COX7B: variants seen among roughly 807,000 people sequenced by gnomAD.
COX7B encodes cytochrome c oxidase subunit 7B, mitochondrial.
COX7B carries 2 observed loss-of-function variants against 7.9 expected under a neutral mutation model. The observed-to-expected ratio is 0.25, with a 90% CI of 0.10 to 0.79. The LOEUF is 0.79. Ranked by LOEUF, COX7B falls within the 30% of genes least tolerant of loss-of-function variation. The pLI is 0.69. For missense variants in COX7B, 54 were observed against 62.7 expected (o/e 0.86, Z 0.47); for synonymous variants, 19 against 21.1 (o/e 0.90, Z 0.27).
intron 2 of COX7B, among the ~76,000 whole-genome samples, chrX:77,904,271 C>A (rs1183688724): frequency 9.1e-6 from 1 of 110,106 alleles, no homozygotes; most frequent in Non-Finnish European, 1.9e-5. Context: ...TAAAAAGATA[C>A]AAATTAATCC....
At chrX:77,902,804 T>C (rs782458966) in intron 2 of COX7B, 37 bp downstream of exon 2, 2 of 1,174,661 alleles carry the variant, frequency 1.7e-6, no homozygotes, top group East Asian at 5.9e-5. Context: ...GTTTCAGATG[T>C]TTTTCATTCT....
intron 2 of COX7B, among the ~76,000 whole-genome samples, chrX:77,903,920 T>G (rs1374835825): frequency 1.8e-5 from 2 of 108,974 alleles, no homozygotes; most frequent in African/African-American, 6.7e-5. Context: ...TGTTTTTTTT[T>G]TTTGTTTTGT....
intron 1 of COX7B, among the ~76,000 whole-genome samples, chrX:77,902,269 A>G (rs1278413905): frequency 2.7e-5 from 3 of 111,982 alleles, no homozygotes; most frequent in Non-Finnish European, 5.6e-5. Flanking sequence ...TGCAAATACC[A>G]CTTTGTAGAG....
In COX7B at chrX:77,905,410, T is replaced by A; in HGVS notation, c.*149T>A. The A allele has an allele frequency of 2.3e-6, 1 of 437,489 alleles. No individual in the cohort carries two copies. Among genetic ancestry groups the A allele is most frequent in the Non-Finnish European group, 4.0e-6 (1 of 250,405 alleles). 36.1% of individuals were successfully genotyped at this position (437,489 alleles called of 1,213,427 possible). A position where few individuals can be genotyped will look rare whatever the true frequency, so the allele number is the denominator to read the frequency against. ...ATTGTAGGTTTTGTTTCTTTGTAAA[T>A]GAAACTAAGCTTGATCACTTTAGCC... On this transcript the variant is annotated 3_prime_UTR_variant, in exon 3 of 3. Transcript: ENST00000650309.
At position 77,905,309 on chromosome X, in the gene COX7B, T is replaced by C. The variant is rs1569548490; in HGVS notation, c.*48T>C. ...GAATTGTTTAAAAAACAGCTCATAATTGATGCCAAATTAAAGCACTGTGTA... is the reference window on the plus strand; with the variant it reads ...GAATTGTTTAAAAAACAGCTCATAACTGATGCCAAATTAAAGCACTGTGTA... On this transcript the variant is annotated 3_prime_UTR_variant, in exon 3 of 3. Coordinates refer to ENST00000650309, the MANE Select transcript of COX7B (RefSeq NM_001866.3). 1.0e-6 allele frequency: 1 copy of C among 999,711 alleles called. No homozygotes were observed. Among genetic ancestry groups the C allele is most frequent in the Middle Eastern group, 3.7e-4 (1 of 2,674 alleles). The allele number at this position is 999,711 out of a possible 1,213,427, so 82.4% of individuals were successfully genotyped here. A position where few individuals can be genotyped will look rare whatever the true frequency, so the allele number is the denominator to read the frequency against.
At chrX:77,899,770 A>T (rs1008001891) in intron 1 of COX7B, among the ~76,000 whole-genome samples, 177 bp downstream of exon 1, 7 of 110,542 alleles carry the variant, frequency 6.3e-5, no homozygotes. Context: ...ATCACCCAGT[A>T]TTTCTGTTTC....
rs1368928437 is a variant in COX7B, at chrX:77,906,972, T to TTGTTTTGTTTTG, written c.*1713_*1724dup. 5.0e-5 allele frequency: 5 copies of TTGTTTTGTTTTG among 100,444 alleles called. No individual in the cohort carries two copies. The highest frequency in any genetic ancestry group is 9.4e-5 in the Non-Finnish European group (5 of 52,915). The allele number at this position is 100,444 out of a possible 1,213,427, so 8.3% of individuals were successfully genotyped here. A position where few individuals can be genotyped will look rare whatever the true frequency, so the allele number is the denominator to read the frequency against. On this transcript the variant is annotated 3_prime_UTR_variant, in exon 3 of 3. Coordinates refer to ENST00000650309, the MANE Select transcript of COX7B (RefSeq NM_001866.3). ...GGCTGAGAGCTGTAGTCTGTGGTAGTTGTTTTGTTTTGTTTTTTGTTTTTT... is the reference window on the plus strand; with the variant it reads ...GGCTGAGAGCTGTAGTCTGTGGTAGTTGTTTTGTTTTGTGTTTTGTTTTGTTTTTTGTTTTTT...
At chrX:77,900,638 G>A (rs1476627069) in intron 1 of COX7B, among the ~76,000 whole-genome samples, 1 of 112,429 alleles carries the variant, frequency 8.9e-6, no homozygotes, top group East Asian at 2.8e-4. Flanking sequence ...ATCATTGGAG[G>A]ATATTATTAG....
At chrX:77,902,527 T>C in intron 1 of COX7B, 116 bp from the exon 2 acceptor site, 1 of 762,320 alleles carries the variant, frequency 1.3e-6, no homozygotes, top group South Asian at 2.6e-5. Context: ...TTGAACTACA[T>C]AATACTGTAA....
At position 77,905,202 on chromosome X, in the gene COX7B, A is replaced by C; in HGVS notation, c.184A>C (p.Ile62Leu). The C allele has an allele frequency of 8.3e-7, 1 of 1,209,851 alleles. No homozygotes were observed. Among genetic ancestry groups the C allele is most frequent in the East Asian group, 3.0e-5 (1 of 33,865 alleles). ...CTTACAGGTAGCAACACAAGTCGGA[A>C]TAGAATGGAACCTGTCCCCTGTTGG... Reference protein sequence around the residue: ...TWTYVATQVGIEWNLSPVGRV... With the variant: ...TWTYVATQVGLEWNLSPVGRV... The change falls in exon 3 of 3, where the codon ATA becomes CTA. Residue 62 changes from isoleucine to leucine, a missense_variant. Coordinates refer to ENST00000650309, the MANE Select transcript of COX7B (RefSeq NM_001866.3).
In COX7B at chrX:77,902,607, A is replaced by G. The variant is rs782021803; in HGVS notation, c.41-36A>G. Reference sequence around the variant, plus strand: ...TGTTTTCTTTACCTGACAATTGATAATATGCTTCTGTATTCTTTTTTCGTT... The same window carrying G: ...TGTTTTCTTTACCTGACAATTGATAGTATGCTTCTGTATTCTTTTTTCGTT... On this transcript the variant is annotated intron_variant, in intron 1 of 2. Transcript: ENST00000650309. The G allele has an allele frequency of 1.1e-5, 13 of 1,201,925 alleles. No individual in the cohort carries two copies. The Admixed American group carries it at 2.9e-4, about 27-fold the overall frequency.
At chrX:77,901,205 T>C (rs146696378) in intron 1 of COX7B, among the ~76,000 whole-genome samples, 290 of 110,894 alleles carry the variant, frequency 2.6e-3, no homozygotes, top group Non-Finnish European at 4.3e-3. Context: ...CATTGTACCA[T>C]GTAGAAATAT....
rs1395856298 is a variant in COX7B, at chrX:77,906,614, C to T, written c.*1353C>T. 2.7e-5 allele frequency: 3 copies of T among 111,829 alleles called. No homozygotes were observed. Among genetic ancestry groups the T allele is most frequent in the African/African-American group, 9.7e-5 (3 of 30,810 alleles). 9.2% of individuals were successfully genotyped at this position (111,829 alleles called of 1,213,427 possible). ...TATGTTACCTGAAGAAGAGCAATAT[C>T]TGTACCACATATTTCTTTGTTTTTC... On this transcript the variant is annotated 3_prime_UTR_variant, in exon 3 of 3. Transcript: ENST00000650309.
chrX:77,904,621 G>A (rs1193801812), intron 2 of COX7B, among the ~76,000 whole-genome samples: 1 of 106,880 alleles, frequency 9.4e-6, no homozygotes, highest in African/African-American at 3.4e-5. Context: ...TCTAGCCTGG[G>A]CGATAAAGCG....
At chrX:77,904,019 G>A (rs1219283583) in intron 2 of COX7B, among the ~76,000 whole-genome samples, 5 of 100,183 alleles carry the variant, frequency 5.0e-5, no homozygotes, top group Admixed American at 1.1e-4. Context: ...TGCAAACTCC[G>A]CCTCCCGGGT....
In COX7B at chrX:77,907,188, GT is replaced by G. The variant is rs2077137537; in HGVS notation, c.*1928del. The G allele has an allele frequency of 9.0e-6, 1 of 111,571 alleles. No homozygotes were observed. The highest frequency in any genetic ancestry group is 3.7e-4 in the South Asian group (1 of 2,723). 9.2% of individuals were successfully genotyped at this position (111,571 alleles called of 1,213,427 possible). ...TTTATTTGAAGAGGAAAAATTGAAC[GT>G]CATTGTAAATTAAGTTGCAAGTTTA... On this transcript the variant is annotated 3_prime_UTR_variant, in exon 3 of 3. Transcript: ENST00000650309.
rs1489100198 is a variant in COX7B, at chrX:77,906,990, TG to T, written c.*1730del. 4 of 110,810 alleles carry T rather than the reference TG, an allele frequency of 3.6e-5. No individual in the cohort carries two copies. The highest frequency in any genetic ancestry group is 3.7e-4 in the South Asian group (1 of 2,692). 9.1% of individuals were successfully genotyped at this position (110,810 alleles called of 1,213,427 possible). On this transcript the variant is annotated 3_prime_UTR_variant, in exon 3 of 3. Transcript: ENST00000650309. ...GTGGTAGTTGTTTTGTTTTGTTTTT[TG>T]TTTTTTTTTTGTAGTTTTCTTGATC... is the stretch of plus-strand genomic sequence containing the variant.
At chrX:77,901,231 G>A (rs1279556182) in intron 1 of COX7B, among the ~76,000 whole-genome samples, 1 of 109,927 alleles carries the variant, frequency 9.1e-6, no homozygotes, top group Non-Finnish European at 1.9e-5. Context: ...GCTAGTGAAT[G>A]GGCAACATTG....
In COX7B at chrX:77,905,181, C is replaced by T. The variant is rs782084802; in HGVS notation, c.166-3C>T. 4.2e-6 allele frequency: 5 copies of T among 1,200,727 alleles called. No individual in the cohort carries two copies. In the African/African-American group the frequency reaches 5.3e-5, roughly 13 times the overall value. On this transcript the variant is annotated splice_polypyrimidine_tract_variant and splice_region_variant and intron_variant, in intron 2 of 2. Coordinates refer to ENST00000650309, the MANE Select transcript of COX7B (RefSeq NM_001866.3). ...GTAACTGACAGCATTTTAATTCTTACAGGTAGCAACACAAGTCGGAATAGA... is the reference window on the plus strand; with the variant it reads ...GTAACTGACAGCATTTTAATTCTTATAGGTAGCAACACAAGTCGGAATAGA...
Sources: gnomAD v4.1 joint callset for allele counts (sites outside exome capture counted in the v4.1 genomes callset) on GRCh38, gnomAD v4.1.1 for gene constraint, MANE v1.5 for transcripts, NCBI Gene and HGNC (gene_info 2026-07-23, HGNC 2026-07-21) for gene names.